Variants in TP63 observed in about 807,000 individuals in gnomAD.
TP63 encodes tumor protein 63.
TP63 carries 17 observed loss-of-function variants against 82.8 expected under a neutral mutation model. The observed-to-expected ratio is 0.21, with a 90% CI of 0.14 to 0.31. The LOEUF (loss-of-function observed/expected upper bound fraction) is 0.31. Among genes scored for constraint, TP63 ranks in the 10% least tolerant of loss-of-function variants. The pLI, the probability that TP63 is intolerant of heterozygous loss-of-function variation, is 1.00. For missense variants in TP63, 648 were observed against 895.3 expected, an observed-to-expected ratio of 0.72 and a Z score of 3.52; for synonymous variants, 330 against 321.7, an observed-to-expected ratio of 1.03 and a Z score of -0.28.
intron 1 of TP63, among the ~76,000 whole-genome samples, chr3:189,711,222 A>G (rs1227154268): frequency 1.3e-5 from 2 of 152,192 alleles, no homozygotes; most frequent in Non-Finnish European, 2.9e-5. Flanking sequence ...TTTGCTTTTC[A>G]GAAACCAGCC....
intron 1 of TP63, among the ~76,000 whole-genome samples, chr3:189,719,319 T>C (rs1719198982): frequency 6.6e-6 from 1 of 152,220 alleles, no homozygotes. Flanking sequence ...TCCTTAGTTA[T>C]AAGCTTCCTA....
upstream of TP63, among the ~76,000 whole-genome samples, chr3:189,627,100 G>A (rs1388716804): frequency 6.6e-6 from 1 of 152,092 alleles, no homozygotes; most frequent in African/African-American, 2.4e-5. Flanking sequence ...ACCAGAGCTC[G>A]TACTAACCCC....
intron 1 of TP63, among the ~76,000 whole-genome samples, chr3:189,701,188 A>C (rs1478718167): frequency 2.0e-5 from 3 of 152,164 alleles, no homozygotes; most frequent in Non-Finnish European, 4.4e-5. Context: ...GCCCAGTCTC[A>C]GATATGTCTT....
intron 1 of TP63, among the ~76,000 whole-genome samples, chr3:189,693,796 G>C (rs956813290): frequency 1.3e-5 from 2 of 152,040 alleles, no homozygotes; most frequent in African/African-American, 4.8e-5. Flanking sequence ...ATTAACTCAC[G>C]GTGCCTGGTG....
intron 3 of TP63, among the ~76,000 whole-genome samples, chr3:189,739,114 T>G (rs9883548): frequency 0.44 from 67,314 of 151,940 alleles, 14,941 homozygotes; most frequent in African/African-American, 0.46. Context: ...GAAATTTATT[T>G]TATTTATATA....
chr3:189,620,420 G>T, the TP63 span, among the ~76,000 whole-genome samples: 1 of 145,900 alleles, frequency 6.9e-6, no homozygotes, highest in Non-Finnish European at 1.5e-5. Flanking sequence ...TGAGGCAGGA[G>T]AATCGCTTGA....
intron 1 of TP63, among the ~76,000 whole-genome samples, chr3:189,711,249 A>G (rs1718572564): frequency 6.6e-6 from 1 of 152,212 alleles, no homozygotes; most frequent in Non-Finnish European, 1.5e-5. Context: ...AATTTAGGCC[A>G]AGAACCTGGT....
At chr3:189,881,118 A>G in intron 10 of TP63, 1 of 985,362 alleles carries the variant, frequency 1.0e-6, no homozygotes, top group Non-Finnish European at 1.2e-6. Flanking sequence ...CTATCCCTCA[A>G]GCCTACCTAC....
intron 4 of TP63, among the ~76,000 whole-genome samples, chr3:189,818,546 A>C (rs1441597567): frequency 1.3e-5 from 2 of 152,124 alleles, no homozygotes; most frequent in African/African-American, 4.8e-5. Context: ...ATGGGGAATA[A>C]TTTGAGAAGC....
At chr3:189,831,682 C>A (rs1202419550) in intron 4 of TP63, among the ~76,000 whole-genome samples, 1 of 151,782 alleles carries the variant, frequency 6.6e-6, no homozygotes, top group Non-Finnish European at 1.5e-5. Flanking sequence ...CCTTCCTAAT[C>A]TTCTTTCTCT....
intron 4 of TP63, among the ~76,000 whole-genome samples, chr3:189,857,176 A>G (rs1045939949): frequency 1.3e-5 from 2 of 152,158 alleles, no homozygotes; most frequent in African/African-American, 4.8e-5. Flanking sequence ...TGGATAGACA[A>G]ATAGATCAAT....
At chr3:189,842,613 TA>T (rs1426426442) in intron 4 of TP63, among the ~76,000 whole-genome samples, 1 of 152,144 alleles carries the variant, frequency 6.6e-6, no homozygotes, top group Non-Finnish European at 1.5e-5. Context: ...AGATGTCCAG[TA>T]GTCAGGAAGG....
chr3:189,759,622 G>A (rs1301285920), intron 3 of TP63, among the ~76,000 whole-genome samples: 1 of 152,138 alleles, frequency 6.6e-6, no homozygotes, highest in Admixed American at 6.6e-5. Flanking sequence ...GGGCTCACGG[G>A]TCATAGGTGG....
chr3:189,628,519 T>C (rs555718518), upstream of TP63, among the ~76,000 whole-genome samples: 150 of 152,196 alleles, frequency 9.9e-4, no homozygotes, highest in Middle Eastern at 6.8e-3. Context: ...CCAAAACACC[T>C]TTCCTTCCTT....
chr3:189,709,755 G>T (rs1017523064), intron 1 of TP63, among the ~76,000 whole-genome samples: 2 of 152,036 alleles, frequency 1.3e-5, no homozygotes, highest in Non-Finnish European at 2.9e-5. Flanking sequence ...ATTCCTAAGA[G>T]GACACTTTAG....
rs191452119 is a variant in TP63 at position 189,881,102 on chromosome 3, G to A, written c.1350-5292G>A. 4 of 985,220 alleles carry A rather than the reference G, an allele frequency of 4.1e-6. No homozygotes were observed. In the Admixed American group the frequency reaches 2.5e-4, roughly 61 times the overall value. 61.0% of individuals were successfully genotyped at this position (985,220 alleles called of 1,614,324 possible). A position where few individuals can be genotyped will look rare whatever the true frequency, so the allele number is the denominator to read the frequency against. ...AATCTGTGATTAATTTGCTTAATTA[G>A]AGCTTCTATCCCTCAAGCCTACCTA... On this transcript the variant is annotated intron_variant, in intron 10 of 13. Coordinates refer to ENST00000264731, the MANE Select transcript of TP63 (RefSeq NM_003722.5).
intron 4 of TP63, among the ~76,000 whole-genome samples, chr3:189,826,249 A>G (rs1729337605): frequency 6.6e-6 from 1 of 152,214 alleles, no homozygotes; most frequent in African/African-American, 2.4e-5. Flanking sequence ...GGAAAATTCA[A>G]AAGAAGCATT....
At chr3:189,614,051 A>G in the TP63 span, among the ~76,000 whole-genome samples, 93 of 152,270 alleles carry the variant, frequency 6.1e-4, no homozygotes, top group African/African-American at 2.1e-3. Flanking sequence ...AAGACTTTGT[A>G]GGACTCTTGG....
the TP63 span, among the ~76,000 whole-genome samples, chr3:189,604,027 T>A: frequency 4.5e-4 from 69 of 151,904 alleles, no homozygotes; most frequent in African/African-American, 1.7e-3. Flanking sequence ...ACTTGAAAAA[T>A]ATATATATAT....
Sources: gnomAD v4.1 joint callset for allele counts (sites outside exome capture counted in the v4.1 genomes callset) on GRCh38, gnomAD v4.1.1 for gene constraint, MANE v1.5 for transcripts, NCBI Gene and HGNC (gene_info 2026-07-23, HGNC 2026-07-21) for gene names.